The following AMPH variants were observed in gnomAD, a reference collection of about 807,000 sequenced individuals.
The protein encoded by AMPH is amphiphysin (Stiff-Mann syndrome with breast cancer 128kD autoantigen).
In AMPH, 49 loss-of-function variants were observed where a neutral mutation model predicts 99.1. The ratio of observed to expected loss-of-function variants is 0.49; its 90% CI spans 0.39 to 0.63. The LOEUF (loss-of-function observed/expected upper bound fraction) is 0.63, where lower values mean the gene tolerates loss of function less well. Ranked by LOEUF, AMPH falls within the 20% of genes least tolerant of loss-of-function variation. The probability of loss-of-function intolerance (pLI) is 0.00; values close to 1 mark genes in which losing one functional copy is unlikely to be tolerated. For synonymous variants in AMPH, 314 were observed against 317.3 expected (o/e 0.99, Z 0.11); for missense variants, 759 against 863.4 (o/e 0.88, Z 1.52).
intron 2 of AMPH, among the ~76,000 whole-genome samples, chr7:38,515,400 G>C (rs1041979973): frequency 2.0e-5 from 3 of 152,152 alleles, no homozygotes; most frequent in African/African-American, 7.2e-5. Context: ...GTTTAAAAGT[G>C]TGTAGCACTT....
At chr7:38,629,873 AG>A (rs1794395231) in intron 1 of AMPH, among the ~76,000 whole-genome samples, 1 of 152,228 alleles carries the variant, frequency 6.6e-6, no homozygotes, top group Admixed American at 6.5e-5. Context: ...GAGAGGCAGG[AG>A]GAGGATCACT....
At chr7:38,623,387 G>C (rs1009885478) in intron 1 of AMPH, among the ~76,000 whole-genome samples, 1 of 152,112 alleles carries the variant, frequency 6.6e-6, no homozygotes, top group Non-Finnish European at 1.5e-5. Flanking sequence ...GAGAAAGAAG[G>C]ATACATTAGT....
intron 11 of AMPH, among the ~76,000 whole-genome samples, chr7:38,441,750 C>CAT (rs1305833487): frequency 5.9e-5 from 6 of 101,938 alleles, no homozygotes; most frequent in Non-Finnish European, 1.2e-4. Context: ...ACAGATATAT[C>CAT]ATATATATAT....
At chr7:38,496,660 A>G (rs1167064320) in intron 3 of AMPH, among the ~76,000 whole-genome samples, 1 of 152,280 alleles carries the variant, frequency 6.6e-6, no homozygotes, top group Admixed American at 6.5e-5. Flanking sequence ...TGGAAGCTAC[A>G]TTATGCCAAG....
At position 38,631,363 on chromosome 7, in the gene AMPH, CGGGGAG is replaced by C; in HGVS notation, c.-18_-13del. On this transcript the variant is annotated 5_prime_UTR_variant, in exon 1 of 21. Transcript: ENST00000356264. ...TTGATGTCGGCCATGGCTGCGGGTC[CGGGGAG>C]CTGCGAAGAGCAGAGCGCGCAGCGG... 1 of 1,542,036 alleles carries C rather than the reference CGGGGAG, an allele frequency of 6.5e-7. No individual in the cohort carries two copies. The highest frequency in any genetic ancestry group is 8.7e-7 in the Non-Finnish European group (1 of 1,145,448).
intron 17 of AMPH, among the ~76,000 whole-genome samples, chr7:38,395,224 G>GA (rs3056176): frequency 1.0e-3 from 158 of 150,704 alleles, no homozygotes; most frequent in South Asian, 2.5e-3. Context: ...ACTTTCACAG[G>GA]AAAAAAAAAT....
In AMPH at chr7:38,391,901, C is replaced by T; in HGVS notation, c.1725G>A (p.Pro575=). ...GCTCCGGTGTCTCGCTGGTGGGGCC[C>T]GGAGGAGCCGCGTCCTCGGTGGTCT... ...PKETTEDAAP[P]GPTSETPELA... Residue 575 remains proline (P), a synonymous_variant, in exon 19 of 21, where the codon CCG becomes CCA. Transcript: ENST00000356264. 16 of 1,612,588 alleles carry T rather than the reference C, an allele frequency of 9.9e-6. No individual in the cohort carries two copies. The highest frequency in any genetic ancestry group is 1.4e-5 in the Non-Finnish European group (16 of 1,179,742).
chr7:38,409,661 T>C (rs1002087748), intron 17 of AMPH, among the ~76,000 whole-genome samples: 3 of 152,208 alleles, frequency 2.0e-5, no homozygotes, highest in African/African-American at 7.2e-5. Flanking sequence ...TCTGCTCTCC[T>C]GGTATTGCCT....
At chr7:38,603,100 G>A (rs920234003) in intron 1 of AMPH, among the ~76,000 whole-genome samples, 22 of 152,004 alleles carry the variant, frequency 1.4e-4, no homozygotes, top group Non-Finnish European at 2.8e-4. Context: ...TGGATCACTT[G>A]AGGTCAGGAG....
intron 17 of AMPH, among the ~76,000 whole-genome samples, chr7:38,413,474 C>A (rs1227040713): frequency 7.9e-5 from 12 of 152,134 alleles, no homozygotes; most frequent in African/African-American, 2.9e-4. Flanking sequence ...AACTAACTAA[C>A]AAATCAATGA....
intron 1 of AMPH, among the ~76,000 whole-genome samples, chr7:38,586,707 A>C (rs974814759): frequency 6.6e-6 from 1 of 152,214 alleles, no homozygotes; most frequent in Non-Finnish European, 1.5e-5. Flanking sequence ...CACACCAAGT[A>C]GGGGACACAG....
chr7:38,405,399 A>T (rs764602392), intron 17 of AMPH, among the ~76,000 whole-genome samples: 2 of 152,220 alleles, frequency 1.3e-5, no homozygotes, highest in Non-Finnish European at 2.9e-5. Flanking sequence ...TTCCACTTAT[A>T]GATTAGAAAA....
chr7:38,402,121 A>C (rs867387686), intron 17 of AMPH, among the ~76,000 whole-genome samples: 1 of 152,100 alleles, frequency 6.6e-6, no homozygotes, highest in African/African-American at 2.4e-5. Flanking sequence ...TCCTCCCCTT[A>C]AAATCTTTTC....
rs1793230104 is a variant in AMPH at position 38,601,092 on chromosome 7, A to C, written c.69+30191T>G. On this transcript the variant is annotated intron_variant, in intron 1 of 20. Transcript: ENST00000356264. The stretch of plus-strand genomic sequence containing the variant: ...TGGATCTCCTCTCCTGCTCCAAAAC[A>C]GCCTTTCCCATTGTCAGTGAGCAGT... Among the ~76,000 whole-genome samples, 4 of 152,204 alleles carry C rather than the reference A, an allele frequency of 2.6e-5. No homozygotes were observed. In the South Asian group the frequency reaches 8.3e-4, roughly 31 times the overall value.
At chr7:38,509,208 C>T (rs1324234578) in intron 2 of AMPH, among the ~76,000 whole-genome samples, 1 of 152,002 alleles carries the variant, frequency 6.6e-6, no homozygotes, top group Admixed American at 6.5e-5. Flanking sequence ...GCAGAAGATA[C>T]AAGATAAAGA....
intron 19 of AMPH, 85 bp from the exon 20 acceptor site, chr7:38,389,990 G>T: frequency 9.5e-7 from 1 of 1,049,886 alleles, no homozygotes; most frequent in Non-Finnish European, 1.5e-6. Context: ...CAACCTGGAT[G>T]AAAAGAGGAA....
intron 11 of AMPH, among the ~76,000 whole-genome samples, chr7:38,451,222 AAAAG>A (rs1173680156): frequency 2.6e-5 from 4 of 151,958 alleles, no homozygotes; most frequent in African/African-American, 9.7e-5. Flanking sequence ...CAAGAATTGA[AAAAG>A]AGAGAGAAAT....
chr7:38,432,876 C>G (rs1219793948), intron 12 of AMPH, among the ~76,000 whole-genome samples: 1 of 152,186 alleles, frequency 6.6e-6, no homozygotes, highest in African/African-American at 2.4e-5. Context: ...GAATGAATTA[C>G]ACTTACTACT....
At chr7:38,593,693 C>T (rs923111090) in intron 1 of AMPH, among the ~76,000 whole-genome samples, 4 of 152,232 alleles carry the variant, frequency 2.6e-5, no homozygotes, top group African/African-American at 9.6e-5. Flanking sequence ...CACTGAAATG[C>T]TGCATCCTGT....
Sources: allele counts gnomAD v4.1 joint callset (sites outside exome capture counted in the v4.1 genomes callset), GRCh38; gene constraint gnomAD v4.1.1; transcripts MANE v1.5; gene names NCBI Gene and HGNC (gene_info 2026-07-23, HGNC 2026-07-21).